Variants in TOP3A observed in about 807,000 individuals in gnomAD.
The protein encoded by TOP3A is DNA topoisomerase 3-alpha.
In TOP3A, 64 loss-of-function variants were observed where a neutral mutation model predicts 111.3. That is an observed-to-expected ratio of 0.57 (90% CI 0.47 to 0.71). The LOEUF (loss-of-function observed/expected upper bound fraction) is 0.71, where lower values mean the gene tolerates loss of function less well. Ranked by LOEUF, TOP3A falls within the 30% of genes least tolerant of loss-of-function variation. TOP3A has a pLI of 0.00. For missense variants in TOP3A, 1,104 were observed against 1,285.0 expected, an observed-to-expected ratio of 0.86 and a Z score of 2.15; for synonymous variants, 484 against 485.1, an observed-to-expected ratio of 1.00 and a Z score of 0.03.
intron 15 of TOP3A, among the ~76,000 whole-genome samples, chr17:18,284,301 C>T (rs896018889): frequency 1.3e-5 from 2 of 152,014 alleles, no homozygotes; most frequent in African/African-American, 2.4e-5. Flanking sequence ...CGTGAGCCAC[C>T]GTGCCTGACC....
intron 4 of TOP3A, 74 bp from the exon 5 acceptor site, chr17:18,305,294 G>C (rs1981491532): frequency 1.6e-6 from 2 of 1,233,796 alleles, no homozygotes; most frequent in East Asian, 4.7e-5. Flanking sequence ...TAAGCTAAGG[G>C]GATCTGACTG....
intron 11 of TOP3A, 101 bp downstream of exon 11, chr17:18,292,544 T>TG: frequency 9.3e-7 from 1 of 1,076,654 alleles, no homozygotes; most frequent in East Asian, 2.8e-5. Context: ...CAAAATCACT[T>TG]GTTTTTACAA....
chr17:18,301,428 A>G (rs1215027633), intron 8 of TOP3A, among the ~76,000 whole-genome samples: 3 of 151,496 alleles, frequency 2.0e-5, no homozygotes, highest in African/African-American at 4.9e-5. Flanking sequence ...GCCTTTCTCT[A>G]TCCCTTTACC....
At chr17:18,305,495 C>A (rs866281679) in intron 4 of TOP3A, among the ~76,000 whole-genome samples, 1 of 150,346 alleles carries the variant, frequency 6.7e-6, no homozygotes, top group African/African-American at 2.5e-5. Context: ...CACGCGCGCG[C>A]GCGCGCGCGC....
rs1164751766 is a variant in TOP3A, at chr17:18,271,549, C to T, written c.*3253G>A. 7.9e-5 allele frequency: 18 copies of T among 228,738 alleles called. No homozygotes were observed. The highest frequency in any genetic ancestry group is 1.2e-4 in the Non-Finnish European group (14 of 112,400). The allele number at this position is 228,738 out of a possible 1,614,324, so 14.2% of individuals were successfully genotyped here. On this transcript the variant is annotated 3_prime_UTR_variant, in exon 19 of 19. Transcript: ENST00000321105. ...AACTGGGGCTCCAAGGATGAGGCTG[C>T]ACACCCAGGGTGGCAGAAGAGGCCA... is the stretch of plus-strand genomic sequence containing the variant.
At chr17:18,281,462 A>T (rs1394754007) in intron 16 of TOP3A, among the ~76,000 whole-genome samples, 1 of 152,092 alleles carries the variant, frequency 6.6e-6, no homozygotes, top group Non-Finnish European at 1.5e-5. Context: ...TCTCCAATTC[A>T]GAGAATTGGA....
chr17:18,307,665 C>T (rs917480474), intron 3 of TOP3A: 5 of 151,932 alleles, frequency 3.3e-5, no homozygotes, highest in African/African-American at 1.2e-4. Context: ...GCCTGTAATC[C>T]TAGCACTTTG....
rs1979108402 is a variant in TOP3A at position 18,273,246 on chromosome 17, C to G, written c.*1556G>C. 6.6e-6 allele frequency: 1 copy of G among 152,266 alleles called. No homozygotes were observed. 9.4% of individuals were successfully genotyped at this position (152,266 alleles called of 1,614,324 possible). ...ATGACTGGGCAACTCACACCCACCT[C>G]TGCTCATCTTCTAAACTGTAAATCA... On this transcript the variant is annotated 3_prime_UTR_variant, in exon 19 of 19. Transcript: ENST00000321105.
In TOP3A at chr17:18,290,806, C is replaced by CTG. The variant is rs1980424041; in HGVS notation, c.1467+34_1467+35dup. On this transcript the variant is annotated intron_variant, in intron 12 of 18. Transcript: ENST00000321105. The stretch of plus-strand genomic sequence containing the variant: ...AGAGAACTCAGGGCTCACAACACAA[C>CTG]TGTCCTCCCTCTCACTGGGGACCAC... 3 of 1,607,422 alleles carry CTG rather than the reference C, an allele frequency of 1.9e-6. No individual in the cohort carries two copies. The East Asian group carries it at 6.7e-5, about 36-fold the overall frequency.
intron 8 of TOP3A, among the ~76,000 whole-genome samples, chr17:18,299,937 C>T (rs922537481): frequency 3.3e-5 from 5 of 152,218 alleles, no homozygotes; most frequent in African/African-American, 4.8e-5. Context: ...TCTATGTACA[C>T]GTGCACAGTG....
intron 3 of TOP3A, among the ~76,000 whole-genome samples, chr17:18,307,883 C>CGTTAA (rs1981676049): frequency 7.0e-6 from 1 of 143,446 alleles, no homozygotes; most frequent in Non-Finnish European, 1.5e-5. Context: ...GCACTCCAGC[C>CGTTAA]TGGGTAACGC....
intron 13 of TOP3A, among the ~76,000 whole-genome samples, chr17:18,288,151 A>ATT (rs1295233051): frequency 1.2e-4 from 15 of 126,614 alleles, no homozygotes; most frequent in African/African-American, 2.8e-4. Context: ...ATATATATAA[A>ATT]TTTTTTTTTT....
Position 18,314,796 on chromosome 17 carries a change from G to T in TOP3A, c.-18C>A. 6.7e-7 allele frequency: 1 copy of T among 1,494,880 alleles called. No homozygotes were observed. Among genetic ancestry groups the T allele is most frequent in the South Asian group, 1.2e-5 (1 of 80,180 alleles). 92.6% of individuals were successfully genotyped at this position (1,494,880 alleles called of 1,614,324 possible). On this transcript the variant is annotated 5_prime_UTR_variant, in exon 1 of 19. Transcript: ENST00000321105. ...AAGATCATCCTCAGACCTCGCGCCC[G>T]GAGCCGCTCCCCGGCTGCCGGCGCA...
At chr17:18,291,801 G>A (rs980276314) in intron 11 of TOP3A, among the ~76,000 whole-genome samples, 19 of 151,662 alleles carry the variant, frequency 1.3e-4, no homozygotes, top group African/African-American at 4.6e-4. Flanking sequence ...TGCAACCTCC[G>A]CCTCCTGGGT....
rs1352680367 is a variant in TOP3A, at chr17:18,274,999, G to A, written c.2828-19C>T. ...GAAGTCCCTGTCGGGAGAGTCAGGG[G>A]AGGGGTGAGGTTAGAACTGACATGC... On this transcript the variant is annotated intron_variant, in intron 18 of 18. Transcript: ENST00000321105. 2 of 1,611,272 alleles carry A rather than the reference G, an allele frequency of 1.2e-6. No individual in the cohort carries two copies. The highest frequency in any genetic ancestry group is 4.5e-5 in the East Asian group (2 of 44,838).
At chr17:18,290,718 G>A in intron 12 of TOP3A, 32 bp from the exon 13 acceptor site, 1 of 1,580,544 alleles carries the variant, frequency 6.3e-7, no homozygotes, top group Non-Finnish European at 8.6e-7. Flanking sequence ...ACAGTCAGAT[G>A]ATTCCATCAG....
rs1979146863 is a variant in TOP3A at position 18,273,768 on chromosome 17, A to T, written c.*1034T>A. 6.6e-6 allele frequency among the ~76,000 whole-genome samples: 1 copy of T among 151,894 alleles called. No homozygotes were observed. Among genetic ancestry groups the T allele is most frequent in the Admixed American group, 6.6e-5 (1 of 15,264 alleles). On this transcript the variant is annotated 3_prime_UTR_variant, in exon 19 of 19. Transcript: ENST00000321105. ...CTTCAGCCTCCTGAGCAGCTGAACTAAAGACGTGTACAACTGTGCTTGTTA... is the reference window on the plus strand; with the variant it reads ...CTTCAGCCTCCTGAGCAGCTGAACTTAAGACGTGTACAACTGTGCTTGTTA...
intron 9 of TOP3A, among the ~76,000 whole-genome samples, chr17:18,298,061 A>G (rs1383859241): frequency 3.5e-4 from 42 of 120,496 alleles, no homozygotes; most frequent in African/African-American, 1.3e-3. Flanking sequence ...TGTGGGGAGC[A>G]CCTCTGCCCT....
chr17:18,309,713 T>C (rs1398490452), intron 1 of TOP3A, among the ~76,000 whole-genome samples: 1 of 148,424 alleles, frequency 6.7e-6, no homozygotes, highest in Non-Finnish European at 1.5e-5. Context: ...GAAGTTCTTT[T>C]TTTTTTTTTT....
Sources: allele counts gnomAD v4.1 joint callset (sites outside exome capture counted in the v4.1 genomes callset), GRCh38; gene constraint gnomAD v4.1.1; transcripts MANE v1.5; gene names NCBI Gene and HGNC (gene_info 2026-07-23, HGNC 2026-07-21).